Variants in PDLIM5 observed in about 807,000 individuals in gnomAD.
PDLIM5 encodes the protein PDZ and LIM domain 5.
PDLIM5 carries 34 observed loss-of-function variants against 64.2 expected under a neutral mutation model. The observed-to-expected ratio is 0.53, with a 90% CI of 0.40 to 0.71. The LOEUF (loss-of-function observed/expected upper bound fraction) is 0.71. PDLIM5 is among the 30% of genes least tolerant of loss of function. PDLIM5 has a pLI of 0.00. For synonymous variants in PDLIM5, 253 were observed against 269.1 expected, an observed-to-expected ratio of 0.94 and a Z score of 0.59; for missense variants, 683 against 733.6, an observed-to-expected ratio of 0.93 and a Z score of 0.80.
At chr4:94,552,419 CA>C (rs1732890184) in intron 3 of PDLIM5, among the ~76,000 whole-genome samples, 1 of 151,946 alleles carries the variant, frequency 6.6e-6, no homozygotes, top group Non-Finnish European at 1.5e-5. Context: ...AAGCTGTTTT[CA>C]AAGCTTGCAT....
At chr4:94,611,056 A>G (rs1281974060) in intron 7 of PDLIM5, 16 of 1,529,792 alleles carry the variant, frequency 1.0e-5, no homozygotes, top group African/African-American at 2.7e-5. Context: ...AACTCTTTCT[A>G]AATGCTTACC....
At chr4:94,480,563 C>T (rs1385987278) in intron 2 of PDLIM5, among the ~76,000 whole-genome samples, 2 of 152,136 alleles carry the variant, frequency 1.3e-5, no homozygotes, top group African/African-American at 4.8e-5. Flanking sequence ...GTGAAAACTG[C>T]AGAGAAGGCA....
intron 3 of PDLIM5, among the ~76,000 whole-genome samples, chr4:94,526,875 G>A (rs1241208043): frequency 6.6e-6 from 1 of 151,238 alleles, no homozygotes; most frequent in African/African-American, 2.4e-5. Flanking sequence ...TGGGATTACA[G>A]GCGCATGTCA....
In PDLIM5 at chr4:94,664,346, A is replaced by G; in HGVS notation, c.*279A>G. ...TGATGGACTATTAAATTCATCTTAGAATAAATTAGTGAAGAATTTAATTTT... is the reference window on the plus strand; with the variant it reads ...TGATGGACTATTAAATTCATCTTAGGATAAATTAGTGAAGAATTTAATTTT... On this transcript the variant is annotated 3_prime_UTR_variant, in exon 13 of 13. Coordinates refer to ENST00000317968, the MANE Select transcript of PDLIM5 (RefSeq NM_006457.5). 1 of 706,960 alleles carries G rather than the reference A, an allele frequency of 1.4e-6. No homozygotes were observed. Among genetic ancestry groups the G allele is most frequent in the Non-Finnish European group, 1.8e-6 (1 of 567,534 alleles). 43.8% of individuals were successfully genotyped at this position (706,960 alleles called of 1,614,324 possible). A position where few individuals can be genotyped will look rare whatever the true frequency, so the allele number is the denominator to read the frequency against.
At chr4:94,474,976 G>A (rs1013233503) in intron 2 of PDLIM5, among the ~76,000 whole-genome samples, 1 of 152,202 alleles carries the variant, frequency 6.6e-6, no homozygotes, top group East Asian at 1.9e-4. Context: ...TAATAGCTAA[G>A]TATTTTCTTG....
At chr4:94,661,883 C>T (rs192297803) in intron 11 of PDLIM5, among the ~76,000 whole-genome samples, 17 of 151,434 alleles carry the variant, frequency 1.1e-4, no homozygotes, top group East Asian at 3.9e-4. Flanking sequence ...TGCAGTGGCG[C>T]GATCTCAGCT....
chr4:94,511,605 A>G (rs1388362899), intron 2 of PDLIM5, among the ~76,000 whole-genome samples: 1 of 92,862 alleles, frequency 1.1e-5, no homozygotes, highest in Non-Finnish European at 2.7e-5. Flanking sequence ...CCCAACACAC[A>G]CACACACACA....
intron 10 of PDLIM5, among the ~76,000 whole-genome samples, chr4:94,656,524 T>G (rs1343444431): frequency 6.6e-6 from 1 of 150,792 alleles, no homozygotes; most frequent in Non-Finnish European, 1.5e-5. Context: ...TTAAACTGAT[T>G]GGATTACATT....
rs368119740 is a variant in PDLIM5 at position 94,667,079 on chromosome 4, TAG to T, written c.*3015_*3016del. 2.3e-4 allele frequency: 35 copies of T among 152,360 alleles called. No individual in the cohort carries two copies. The highest frequency in any genetic ancestry group is 8.4e-4 in the African/African-American group (35 of 41,584). 9.4% of individuals were successfully genotyped at this position (152,360 alleles called of 1,614,324 possible). Reference sequence around the variant, plus strand: ...TTTTTTAATTATTACTTCTTCACTATAGAGCATTTACTTTTAGTCTCTAGATG... The same window carrying T: ...TTTTTTAATTATTACTTCTTCACTATAGCATTTACTTTTAGTCTCTAGATG... On this transcript the variant is annotated 3_prime_UTR_variant, in exon 13 of 13. Coordinates refer to ENST00000317968, the MANE Select transcript of PDLIM5 (RefSeq NM_006457.5).
intron 8 of PDLIM5, among the ~76,000 whole-genome samples, chr4:94,630,580 G>T (rs1370495194): frequency 6.6e-6 from 1 of 151,918 alleles, no homozygotes; most frequent in African/African-American, 2.4e-5. Flanking sequence ...TTGCCATGTT[G>T]TACAGGCTGG....
intron 7 of PDLIM5, among the ~76,000 whole-genome samples, chr4:94,614,282 A>G (rs767956855): frequency 2.0e-5 from 3 of 151,648 alleles, no homozygotes; most frequent in South Asian, 2.1e-4. Context: ...CTTTAGTACA[A>G]TGTTTGTTTT....
At chr4:94,492,222 A>G (rs1396193523) in intron 2 of PDLIM5, among the ~76,000 whole-genome samples, 1 of 151,260 alleles carries the variant, frequency 6.6e-6, no homozygotes, top group African/African-American at 2.4e-5. Context: ...CTTGAAAGGT[A>G]CTCCACATTT....
intron 3 of PDLIM5, among the ~76,000 whole-genome samples, chr4:94,558,228 G>A (rs572596246): frequency 6.6e-6 from 1 of 152,112 alleles, no homozygotes; most frequent in Non-Finnish European, 1.5e-5. Context: ...TGCGTATGTT[G>A]AACCAGCCTT....
At chr4:94,465,869 A>G (rs895748163) in intron 2 of PDLIM5, among the ~76,000 whole-genome samples, 31 of 152,222 alleles carry the variant, frequency 2.0e-4, no homozygotes, top group Admixed American at 3.9e-4. Context: ...TTTCCGAGGA[A>G]TAGATGACAG....
At chr4:94,536,852 C>G (rs931874394) in intron 3 of PDLIM5, among the ~76,000 whole-genome samples, 1 of 152,108 alleles carries the variant, frequency 6.6e-6, no homozygotes, top group Non-Finnish European at 1.5e-5. Context: ...GCTGTTGTTG[C>G]TATTATAGTC....
chr4:94,525,738 G>A (rs1730296568), intron 3 of PDLIM5, among the ~76,000 whole-genome samples: 1 of 152,008 alleles, frequency 6.6e-6, no homozygotes, highest in African/African-American at 2.4e-5. Flanking sequence ...TCCTCTTTAG[G>A]GTCTTTTTAA....
At chr4:94,541,276 G>C (rs1053913607) in intron 3 of PDLIM5, among the ~76,000 whole-genome samples, 1 of 152,186 alleles carries the variant, frequency 6.6e-6, no homozygotes, top group African/African-American at 2.4e-5. Context: ...CCTGCCACTG[G>C]ACTGAAAGTT....
intron 7 of PDLIM5, chr4:94,586,917 G>C (rs1285276242): frequency 7.6e-7 from 1 of 1,318,474 alleles, no homozygotes; most frequent in Non-Finnish European, 1.0e-6. Context: ...AATTAGTCTA[G>C]AACCTTTTTC....
At chr4:94,633,191 G>A (rs1230463805) in intron 8 of PDLIM5, among the ~76,000 whole-genome samples, 4 of 152,094 alleles carry the variant, frequency 2.6e-5, no homozygotes, top group African/African-American at 9.7e-5. Context: ...GCCGGGGAGC[G>A]AGGAGTGGAA....
Sources: gnomAD v4.1 joint callset for allele counts (sites outside exome capture counted in the v4.1 genomes callset) on GRCh38, gnomAD v4.1.1 for gene constraint, MANE v1.5 for transcripts, NCBI Gene and HGNC (gene_info 2026-07-23, HGNC 2026-07-21) for gene names.